ABLIM1: variants seen among roughly 807,000 people sequenced by gnomAD.
ABLIM1 encodes actin binding LIM protein 1, also known as actin-binding LIM protein 1.
ABLIM1 carries 40 observed loss-of-function variants against 107.0 expected under a neutral mutation model. The observed-to-expected ratio is 0.37, with a 90% CI of 0.29 to 0.49. The LOEUF (loss-of-function observed/expected upper bound fraction) is 0.49, where lower values mean the gene tolerates loss of function less well. ABLIM1 is among the 20% of genes least tolerant of loss of function. The pLI is 0.97. For missense variants in ABLIM1, 857 were observed against 1,008.5 expected (o/e 0.85, Z 2.04); for synonymous variants, 357 against 357.3 (o/e 1.00, Z 0.01).
chr10:114,745,196 A>G (rs1013324480), intron 1 of ABLIM1, among the ~76,000 whole-genome samples: 3 of 152,172 alleles, frequency 2.0e-5, no homozygotes, highest in Non-Finnish European at 4.4e-5. Flanking sequence ...TCACTGAAAA[A>G]GAGTCTATTC....
chr10:114,630,976 T>C (rs1049409638), intron 1 of ABLIM1, among the ~76,000 whole-genome samples: 1 of 152,218 alleles, frequency 6.6e-6, no homozygotes, highest in Non-Finnish European at 1.5e-5. Flanking sequence ...CTAATTCTGG[T>C]CTAGAAGGGT....
upstream of ABLIM1, among the ~76,000 whole-genome samples, chr10:114,689,233 G>A (rs886081727): frequency 6.6e-6 from 1 of 152,102 alleles, no homozygotes; most frequent in Admixed American, 6.6e-5. Flanking sequence ...CCTATCATCA[G>A]CTCACCAATG....
chr10:114,453,606 AAAAGAAACAAACTC>A, intron 12 of ABLIM1, 123 bp from the exon 13 acceptor site: 1 of 798,802 alleles, frequency 1.3e-6, no homozygotes, highest in Non-Finnish European at 1.9e-6. Context: ...AAGGAGAAAC[AAAAGAAACAAACTC>A]AATTTATCAA....
chr10:114,443,879 A>C, intron 17 of ABLIM1, 150 bp downstream of exon 17: 1 of 621,572 alleles, frequency 1.6e-6, no homozygotes, highest in Non-Finnish European at 2.8e-6. Context: ...TGACATGCTT[A>C]TGAGCTCATT....
intron 6 of ABLIM1, among the ~76,000 whole-genome samples, chr10:114,505,453 G>A (rs772022102): frequency 6.6e-6 from 1 of 152,080 alleles, no homozygotes; most frequent in African/African-American, 2.4e-5. Flanking sequence ...CCAAAGAATC[G>A]CTCCCATGCC....
intron 1 of ABLIM1, among the ~76,000 whole-genome samples, chr10:114,656,452 G>T (rs1389654676): frequency 6.6e-6 from 1 of 151,914 alleles, no homozygotes; most frequent in Admixed American, 6.6e-5. Context: ...CCACACCTAG[G>T]TATACACCCA....
intron 8 of ABLIM1, among the ~76,000 whole-genome samples, chr10:114,479,555 T>C (rs572720288): frequency 6.6e-6 from 1 of 152,306 alleles, no homozygotes; most frequent in Non-Finnish European, 1.5e-5. Context: ...GCCCTTCCCA[T>C]GCCGATGACG....
At chr10:114,780,388 G>A in the ABLIM1 span, among the ~76,000 whole-genome samples, 2 of 152,326 alleles carry the variant, frequency 1.3e-5, no homozygotes, top group African/African-American at 2.4e-5. Flanking sequence ...ATCTGTAAAT[G>A]AGCTGAACAG....
chr10:114,499,327 T>C (rs527502795), intron 6 of ABLIM1, among the ~76,000 whole-genome samples: 1 of 152,374 alleles, frequency 6.6e-6, no homozygotes, highest in Non-Finnish European at 1.5e-5. Flanking sequence ...AGTTAAACTA[T>C]CGAGGACTAT....
At chr10:114,800,750 A>C in the ABLIM1 span, among the ~76,000 whole-genome samples, 1 of 152,122 alleles carries the variant, frequency 6.6e-6, no homozygotes, top group Non-Finnish European at 1.5e-5. Flanking sequence ...CATCTCTACT[A>C]AAAATACAAA....
At chr10:114,470,539 A>C (rs555373803) in intron 10 of ABLIM1, among the ~76,000 whole-genome samples, 2 of 152,296 alleles carry the variant, frequency 1.3e-5, no homozygotes, top group African/African-American at 4.8e-5. Flanking sequence ...TGCAAGATGC[A>C]AGTATTGGGA....
intron 6 of ABLIM1, among the ~76,000 whole-genome samples, chr10:114,514,126 T>C (rs1461158751): frequency 6.6e-6 from 1 of 152,052 alleles, no homozygotes; most frequent in Non-Finnish European, 1.5e-5. Flanking sequence ...GAAGCAAACA[T>C]AATTAAGTGA....
chr10:114,712,802 T>G (rs1278552430), intron 1 of ABLIM1, among the ~76,000 whole-genome samples: 1 of 152,238 alleles, frequency 6.6e-6, no homozygotes, highest in East Asian at 1.9e-4. Flanking sequence ...AAACTGTCAA[T>G]GATTTTCTAT....
chr10:114,559,206 T>G (rs1359502043), intron 4 of ABLIM1, among the ~76,000 whole-genome samples: 1 of 151,840 alleles, frequency 6.6e-6, no homozygotes, highest in African/African-American at 2.4e-5. Flanking sequence ...AAAATGCCAT[T>G]TGCATAGCAA....
At chr10:114,761,983 G>GCTCTCTCTCTCT (rs144008972) in intron 1 of ABLIM1, among the ~76,000 whole-genome samples, 50 of 145,616 alleles carry the variant, frequency 3.4e-4, no homozygotes, top group African/African-American at 1.2e-3. Context: ...TATCCCATAT[G>GCTCTCTCTCTCT]CTCTCTCTCT....
the ABLIM1 span, among the ~76,000 whole-genome samples, chr10:114,794,950 T>A: frequency 6.6e-6 from 1 of 152,192 alleles, no homozygotes; most frequent in Non-Finnish European, 1.5e-5. Context: ...TGGACATACA[T>A]CTGAATTTTT....
chr10:114,485,270 G>C (rs761428677), intron 8 of ABLIM1: 20 of 1,566,166 alleles, frequency 1.3e-5, no homozygotes, highest in Non-Finnish European at 1.6e-5. Flanking sequence ...CAGTGGCTTC[G>C]AGCCCCAGCC....
intron 1 of ABLIM1, among the ~76,000 whole-genome samples, chr10:114,726,606 C>G (rs144834733): frequency 2.7e-4 from 41 of 152,128 alleles, no homozygotes; most frequent in African/African-American, 8.9e-4. Context: ...CATGGTGAAA[C>G]CCCGTCTCCA....
At chr10:114,601,786 C>A (rs1476951060) in intron 2 of ABLIM1, 41 bp downstream of exon 2, 1 of 1,613,996 alleles carries the variant, frequency 6.2e-7, no homozygotes, top group African/African-American at 1.3e-5. Flanking sequence ...CAAGCCCCGA[C>A]CATGGCATGC....
Sources: gnomAD v4.1 joint callset for allele counts (sites outside exome capture counted in the v4.1 genomes callset) on GRCh38, gnomAD v4.1.1 for gene constraint, MANE v1.5 for transcripts, NCBI Gene and HGNC (gene_info 2026-07-23, HGNC 2026-07-21) for gene names.